The following CRHBP variants were observed in gnomAD, a reference collection of about 807,000 sequenced individuals.
CRHBP encodes corticotropin releasing hormone binding protein, also known as corticotropin-releasing hormone-binding protein.
In CRHBP, 19 loss-of-function variants were observed where a neutral mutation model predicts 34.9. The ratio of observed to expected loss-of-function variants is 0.55; its 90% CI spans 0.38 to 0.80. The LOEUF is 0.80. Ranked by LOEUF, CRHBP falls within the 30% of genes least tolerant of loss-of-function variation. The probability of loss-of-function intolerance (pLI) is 0.00; values close to 1 mark genes in which losing one functional copy is unlikely to be tolerated. For synonymous variants in CRHBP, 154 were observed against 153.4 expected (o/e 1.00, Z -0.03); for missense variants, 328 against 409.2 (o/e 0.80, Z 1.71).
chr5:76,966,281 G>C (rs1476097847), intron 6 of CRHBP, among the ~76,000 whole-genome samples: 1 of 152,190 alleles, frequency 6.6e-6, no homozygotes, highest in Non-Finnish European at 1.5e-5. Context: ...GCCTCCCAAA[G>C]TGCTGGGATT....
chr5:76,961,905 C>T (rs1473519166), intron 5 of CRHBP, among the ~76,000 whole-genome samples: 5 of 152,224 alleles, frequency 3.3e-5, no homozygotes, highest in Admixed American at 2.0e-4. Flanking sequence ...AGGTGTGTGC[C>T]ACCGCGCTTG....
In CRHBP at chr5:76,953,187, C is replaced by T. The variant is rs2150703447; in HGVS notation, c.53C>T (p.Ala18Val). The stretch of plus-strand genomic sequence containing the variant: ...CACTTCATTCTCATCTTCCTGACGG[C>T]TCTAAGAGGGGAAAGCCGGTACCTA... Reference protein sequence around the residue: ...QCHFILIFLTALRGESRYLEL... With the variant: ...QCHFILIFLTVLRGESRYLEL... Residue 18 changes from alanine (A) to valine (V), a missense_variant, in exon 1 of 7, where the codon GCT (alanine) becomes GTT (valine). Transcript: ENST00000274368. The T allele has an allele frequency of 6.2e-7, 1 of 1,614,206 alleles. No homozygotes were observed. The highest frequency in any genetic ancestry group is 2.2e-5 in the East Asian group (1 of 44,876).
intron 3 of CRHBP, among the ~76,000 whole-genome samples, chr5:76,977,102 C>T (rs1482747175): frequency 2.6e-5 from 4 of 152,160 alleles, no homozygotes; most frequent in Admixed American, 2.0e-4. Context: ...GGGACACTGA[C>T]ACGCCAACTG....
rs774504097 is a variant in CRHBP, at chr5:76,954,020, C to T, written c.176-9C>T. ...CCGGGACTTATTGCCCCATGCCCTC[C>T]TCCCCCAGGGTGCCTGGACATGCTG... On this transcript the variant is annotated splice_polypyrimidine_tract_variant and intron_variant, in intron 2 of 6. Coordinates refer to ENST00000274368, the MANE Select transcript of CRHBP (RefSeq NM_001882.4). The T allele has an allele frequency of 1.2e-6, 2 of 1,608,826 alleles. No individual in the cohort carries two copies. The highest frequency in any genetic ancestry group is 1.3e-5 in the African/African-American group (1 of 74,900).
chr5:76,978,870 A>ATTTGGAGGAAGTTC (rs1317206293), intron 3 of CRHBP, among the ~76,000 whole-genome samples: 1 of 152,250 alleles, frequency 6.6e-6, no homozygotes, highest in East Asian at 1.9e-4. Flanking sequence ...GATAAAATTA[A>ATTTGGAGGAAGTTC]CTCTAATTTG....
rs1745731367 is a variant in CRHBP, at chr5:76,958,874, T to C, written c.678T>C (p.Asn226=). ...CTGATCTTACCCTGGGACACGTAAA[T>C]GGTCTTCAGTTAAAGGTGAGTTGCT... ...KISDLTLGHV[N]GLQLKKSSAG... The change falls in exon 5 of 7, where the codon AAT becomes AAC. Residue 226 remains asparagine (N), a synonymous_variant. Coordinates refer to ENST00000274368, the MANE Select transcript of CRHBP (RefSeq NM_001882.4). 6.2e-7 allele frequency: 1 copy of C among 1,613,936 alleles called. No homozygotes were observed. The highest frequency in any genetic ancestry group is 8.5e-7 in the Non-Finnish European group (1 of 1,179,962).
At chr5:76,960,175 G>T (rs1243254939) in intron 5 of CRHBP, among the ~76,000 whole-genome samples, 1 of 152,214 alleles carries the variant, frequency 6.6e-6, no homozygotes, top group East Asian at 1.9e-4. Context: ...CTGGGAGCAT[G>T]GGGGTGGATG....
At chr5:76,976,853 A>G (rs1336208346) in intron 3 of CRHBP, among the ~76,000 whole-genome samples, 1 of 152,274 alleles carries the variant, frequency 6.6e-6, no homozygotes, top group Admixed American at 6.5e-5. Context: ...ATAACATTCA[A>G]TTACTATTTT....
intron 5 of CRHBP, among the ~76,000 whole-genome samples, chr5:76,959,741 T>G (rs1439858756): frequency 6.6e-6 from 1 of 152,210 alleles, no homozygotes; most frequent in Non-Finnish European, 1.5e-5. Context: ...TTTTTTTAAG[T>G]TGGAACTTAG....
At chr5:76,970,195 C>T (rs1485999881), downstream of CRHBP, among the ~76,000 whole-genome samples, 1 of 152,054 alleles carries the variant, frequency 6.6e-6, no homozygotes, top group South Asian at 2.1e-4. Context: ...ATCTACCAGC[C>T]TTGGCCTCCC....
chr5:76,971,863 C>T (rs1745953047), downstream of CRHBP, among the ~76,000 whole-genome samples: 1 of 152,160 alleles, frequency 6.6e-6, no homozygotes, highest in Non-Finnish European at 1.5e-5. Context: ...TTGTCTGGCC[C>T]TGTTTTTATC....
chr5:76,958,803 C>G lies in CRHBP; in HGVS notation c.607C>G (p.Arg203Gly), dbSNP rs1561265374. The change falls in exon 5 of 7, where the codon CGA becomes GGA. Residue 203 changes from arginine (R) to glycine (G), a missense_variant. Arg to Gly is a moderately radical substitution (Grantham distance 125). Coordinates refer to ENST00000274368, the MANE Select transcript of CRHBP (RefSeq NM_001882.4). The stretch of plus-strand genomic sequence containing the variant: ...TACCCTGGTAGTTCCACACCAGCAT[C>G]GAAACTGCAGCTTCTCCATAATTTA... ...KFTLVVPHQH[R>G]NCSFSIIYPV... The G allele has an allele frequency of 1.2e-6, 2 of 1,614,036 alleles. No individual in the cohort carries two copies. Among genetic ancestry groups the G allele is most frequent in the African/African-American group, 2.7e-5 (2 of 75,050 alleles).
At chr5:76,972,373 G>T (rs1458848092), downstream of CRHBP, among the ~76,000 whole-genome samples, 1 of 152,006 alleles carries the variant, frequency 6.6e-6, no homozygotes, top group South Asian at 2.1e-4. Context: ...GGAGGCAGGC[G>T]CCTGTAATCC....
At chr5:76,955,946 T>A in intron 4 of CRHBP, 83 bp downstream of exon 4, 1 of 1,233,902 alleles carries the variant, frequency 8.1e-7, no homozygotes, top group Non-Finnish European at 1.1e-6. Flanking sequence ...CTTAAAGAAA[T>A]TTGAACTGAG....
chr5:76,963,108 AC>A (rs1272214604), intron 5 of CRHBP: 3 of 443,912 alleles, frequency 6.8e-6, no homozygotes, highest in Non-Finnish European at 1.2e-5. Flanking sequence ...AATGAAAAAA[AC>A]ATGTACACAC....
rs145576616 is a variant in CRHBP at position 76,961,644 on chromosome 5, C to T, written c.694-1699C>T. On this transcript the variant is annotated intron_variant, in intron 5 of 6. Transcript: ENST00000274368. Reference sequence around the variant, plus strand: ...GGTAGGCCCTTTAAAAATATGTATCCCCACCTGCCCCTGCTCATTAGTGAA... The same window carrying T: ...GGTAGGCCCTTTAAAAATATGTATCTCCACCTGCCCCTGCTCATTAGTGAA... Among the ~76,000 whole-genome samples the T allele has an allele frequency of 3.9e-3, 594 of 152,264 alleles. 6 individuals carry two copies. Among genetic ancestry groups the T allele is most frequent in the Middle Eastern group, 0.014 (4 of 294 alleles).
Position 76,968,842 on chromosome 5 carries a change from C to A in CRHBP, c.926C>A (p.Pro309Gln). 6.2e-7 allele frequency: 1 copy of A among 1,614,058 alleles called. No individual in the cohort carries two copies. The highest frequency in any genetic ancestry group is 8.5e-7 in the Non-Finnish European group (1 of 1,179,994). Reference protein sequence around the residue: ...RQLEPYELENPNGNSIGEFCL... With the variant: ...RQLEPYELENQNGNSIGEFCL... ...CTGGAGCCGTACGAGCTGGAAAACC[C>A]AAATGGAAACAGTATCGGGGAATTC... The change falls in exon 7 of 7, where the codon CCA becomes CAA. Residue 309 changes from proline (P) to glutamine (Q), a missense_variant. Around this residue, in one of 3 missense-constraint regions of CRHBP, gnomAD observed 144 missense variants for 216.7 expected, o/e 0.66. Transcript: ENST00000274368.
At chr5:76,977,527 T>C (rs1240523133) in intron 3 of CRHBP, among the ~76,000 whole-genome samples, 2 of 152,218 alleles carry the variant, frequency 1.3e-5, no homozygotes, top group African/African-American at 4.8e-5. Context: ...GTTGTTACTA[T>C]TGTAATTGTT....
At chr5:76,953,447 G>T (rs1347471264) in intron 1 of CRHBP, 154 bp from the exon 2 acceptor site, 2 of 936,596 alleles carry the variant, frequency 2.1e-6, no homozygotes, top group Non-Finnish European at 3.4e-6. Flanking sequence ...GATGGAGAGG[G>T]TCTAAGACCT....
Sources: gnomAD v4.1 joint callset for allele counts (sites outside exome capture counted in the v4.1 genomes callset) on GRCh38, gnomAD v4.1.1 for gene constraint, gnomAD v4.1.1 regional missense constraint, MANE v1.5 for transcripts, NCBI Gene and HGNC (gene_info 2026-07-23, HGNC 2026-07-21) for gene names.